Variants in GRM5 observed in about 807,000 individuals in gnomAD.
GRM5 encodes metabotropic glutamate receptor 5.
GRM5 carries 19 observed loss-of-function variants against 83.1 expected under a neutral mutation model. The observed-to-expected ratio is 0.23, with a 90% CI of 0.16 to 0.34. The LOEUF is 0.34. GRM5 is among the 10% of genes least tolerant of loss of function. GRM5 has a pLI of 1.00. For synonymous variants in GRM5, 675 were observed against 633.6 expected (o/e 1.07, Z -0.98); for missense variants, 1,160 against 1,588.3 (o/e 0.73, Z 4.58).
chr11:88,860,648 T>G (rs1944545728), intron 2 of GRM5, among the ~76,000 whole-genome samples: 1 of 152,160 alleles, frequency 6.6e-6, no homozygotes, highest in East Asian at 1.9e-4. Context: ...CGCTACCTTC[T>G]CCAGTTTAGA....
chr11:89,045,817 T>C (rs1175718778), intron 2 of GRM5, among the ~76,000 whole-genome samples: 1 of 152,168 alleles, frequency 6.6e-6, no homozygotes, highest in Non-Finnish European at 1.5e-5. Context: ...TTCAAGCACA[T>C]TTTTACTTTC....
intron 2 of GRM5, among the ~76,000 whole-genome samples, chr11:88,871,687 C>A (rs962868139): frequency 6.6e-6 from 1 of 151,404 alleles, no homozygotes; most frequent in South Asian, 2.1e-4. Context: ...GCAAGGAAGA[C>A]CCTAGCATAT....
rs957868029 is a variant in GRM5 at position 89,047,141 on chromosome 11, C to A, written c.661+71G>T. 5.8e-6 allele frequency: 7 copies of A among 1,214,388 alleles called. No homozygotes were observed. The highest frequency in any genetic ancestry group is 8.2e-6 in the Non-Finnish European group (7 of 854,628). 75.2% of individuals were successfully genotyped at this position (1,214,388 alleles called of 1,614,324 possible). Reference sequence around the variant, plus strand: ...CCAAAATAATTAGGAATAGTTTACTCTTCCCAAACCTGAAATTGTAACTGT... The same window carrying A: ...CCAAAATAATTAGGAATAGTTTACTATTCCCAAACCTGAAATTGTAACTGT... On this transcript the variant is annotated intron_variant, in intron 2 of 9. Transcript: ENST00000305447. This position sits in a 1 kb window ranked among gnomAD's most constrained non-coding sequence, Gnocchi z 5.1.
intron 3 of GRM5, among the ~76,000 whole-genome samples, chr11:88,728,594 T>C (rs567240044): frequency 6.6e-6 from 1 of 152,228 alleles, no homozygotes; most frequent in African/African-American, 2.4e-5. Flanking sequence ...CAGGCCAGTA[T>C]CCCTGAGGAA....
intron 3 of GRM5, among the ~76,000 whole-genome samples, chr11:88,839,671 T>G (rs1944160998): frequency 1.3e-5 from 2 of 152,204 alleles, no homozygotes; most frequent in African/African-American, 2.4e-5. Flanking sequence ...TTACCTCATT[T>G]TCCCTTAAAA....
intron 3 of GRM5, among the ~76,000 whole-genome samples, chr11:88,687,782 G>T (rs1940685324): frequency 6.7e-6 from 1 of 149,112 alleles, no homozygotes; most frequent in African/African-American, 2.5e-5. Context: ...GAGTTCTCCT[G>T]CTAGTTAACT....
intron 4 of GRM5, among the ~76,000 whole-genome samples, chr11:88,642,813 T>C (rs1234650043): frequency 3.9e-5 from 6 of 152,186 alleles, no homozygotes; most frequent in African/African-American, 1.4e-4. Flanking sequence ...AATTTCTATC[T>C]GAGACTTTAT....
chr11:89,000,451 C>T (rs1230615875), intron 2 of GRM5, among the ~76,000 whole-genome samples: 1 of 152,014 alleles, frequency 6.6e-6, no homozygotes, highest in Non-Finnish European at 1.5e-5. Context: ...GGTATTAAAA[C>T]AATTCAATTC....
chr11:88,577,510 T>A (rs1328769102), intron 7 of GRM5, among the ~76,000 whole-genome samples: 1 of 152,148 alleles, frequency 6.6e-6, no homozygotes, highest in East Asian at 1.9e-4. Flanking sequence ...GAAAGGTAAT[T>A]GTTTGTTCCT....
intron 6 of GRM5, among the ~76,000 whole-genome samples, chr11:88,595,309 T>C (rs765746134): frequency 2.0e-5 from 3 of 152,146 alleles, no homozygotes; most frequent in African/African-American, 7.2e-5. Flanking sequence ...TTTAACTGTA[T>C]TCATCCTACA....
At chr11:88,673,169 A>T (rs1416661636) in intron 3 of GRM5, among the ~76,000 whole-genome samples, 1 of 151,968 alleles carries the variant, frequency 6.6e-6, no homozygotes, top group African/African-American at 2.4e-5. Context: ...ATTTTCAAGT[A>T]CTTATTAGGA....
At chr11:88,636,456 G>A (rs1939124740) in intron 4 of GRM5, among the ~76,000 whole-genome samples, 1 of 152,130 alleles carries the variant, frequency 6.6e-6, no homozygotes, top group Non-Finnish European at 1.5e-5. Flanking sequence ...GAACACAGGA[G>A]GGGAGGTTGC....
chr11:88,580,880 C>T (rs1231600122), intron 7 of GRM5, among the ~76,000 whole-genome samples: 1 of 152,182 alleles, frequency 6.6e-6, no homozygotes, highest in Non-Finnish European at 1.5e-5. Context: ...GTGGCTCACG[C>T]CTGTAATCCC....
At chr11:88,765,884 C>G (rs1468963736) in intron 3 of GRM5, among the ~76,000 whole-genome samples, 1 of 151,684 alleles carries the variant, frequency 6.6e-6, no homozygotes, top group Non-Finnish European at 1.5e-5. Context: ...TACAAAGACA[C>G]TATCAACAGA....
chr11:88,553,484 CT>C (rs758376032), intron 8 of GRM5, among the ~76,000 whole-genome samples: 43 of 152,136 alleles, frequency 2.8e-4, no homozygotes, highest in Non-Finnish European at 5.0e-4. Flanking sequence ...AGCACAATGT[CT>C]GGTGTGCCTG....
chr11:88,688,270 T>C (rs1940695977), intron 3 of GRM5, among the ~76,000 whole-genome samples: 1 of 152,212 alleles, frequency 6.6e-6, no homozygotes, highest in Non-Finnish European at 1.5e-5. Flanking sequence ...AGTTTACATT[T>C]TAACAACTAG....
chr11:88,698,203 A>G (rs1940945439), intron 3 of GRM5, among the ~76,000 whole-genome samples: 1 of 152,094 alleles, frequency 6.6e-6, no homozygotes, highest in South Asian at 2.1e-4. Context: ...GTAAAGACAA[A>G]AGTCCTGAAC....
intron 2 of GRM5, among the ~76,000 whole-genome samples, chr11:88,916,258 A>G (rs1945589983): frequency 6.6e-6 from 1 of 152,184 alleles, no homozygotes. Context: ...TAGATATGAA[A>G]GAAGGTAGGA....
intron 3 of GRM5, among the ~76,000 whole-genome samples, chr11:88,824,666 A>C (rs1943863784): frequency 6.6e-6 from 1 of 152,120 alleles, no homozygotes; most frequent in Admixed American, 6.5e-5. Context: ...GCTACCACTG[A>C]TCTGACAGGA....
Sources: allele counts gnomAD v4.1 joint callset (sites outside exome capture counted in the v4.1 genomes callset), GRCh38; gene constraint gnomAD v4.1.1; non-coding constraint Gnocchi (gnomAD v3.1); transcripts MANE v1.5; gene names NCBI Gene and HGNC (gene_info 2026-07-23, HGNC 2026-07-21).